KCNIP1: variants seen among roughly 807,000 people sequenced by gnomAD.
KCNIP1 encodes A-type potassium channel modulatory protein KCNIP1.
Under a neutral mutation model 33.0 loss-of-function variants are expected in KCNIP1, and 18 were observed. The observed-to-expected ratio is 0.55, with a 90% CI of 0.38 to 0.81. The LOEUF (loss-of-function observed/expected upper bound fraction) is 0.81. Ranked by LOEUF, KCNIP1 falls within the 30% of genes least tolerant of loss-of-function variation. The probability of loss-of-function intolerance (pLI) is 0.00; values close to 1 mark genes in which losing one functional copy is unlikely to be tolerated. For missense variants in KCNIP1, 238 were observed against 271.6 expected, an observed-to-expected ratio of 0.88 and a Z score of 0.87; for synonymous variants, 93 against 98.3, an observed-to-expected ratio of 0.95 and a Z score of 0.32.
chr5:170,461,737 G>A lies in KCNIP1; in HGVS notation c.88+107773G>A, dbSNP rs1002174154. 1.3e-4 allele frequency among the ~76,000 whole-genome samples: 15 copies of A among 115,556 alleles called. No individual in the cohort carries two copies. In the Admixed American group the frequency reaches 1.4e-3, roughly 11 times the overall value. 75.8% of individuals were successfully genotyped at this position (115,556 alleles called of 152,430 possible). Reference sequence around the variant, plus strand: ...TGCACTCCAGCCCGGGCGACAAAACGAGACTCCATCTCAAAAAAAAAAAAA... The same window carrying A: ...TGCACTCCAGCCCGGGCGACAAAACAAGACTCCATCTCAAAAAAAAAAAAA... On this transcript the variant is annotated intron_variant, in intron 1 of 7. Coordinates refer to the KCNIP1 transcript ENST00000377360.
chr5:170,506,166 C>T (rs1754708431), intron 1 of KCNIP1, among the ~76,000 whole-genome samples: 1 of 152,162 alleles, frequency 6.6e-6, no homozygotes. Context: ...ATGCCTGTGG[C>T]TCTCCTGGGA....
chr5:170,713,033 T>C (rs1055046068), intron 1 of KCNIP1: 28 of 708,890 alleles, frequency 3.9e-5, no homozygotes, highest in Non-Finnish European at 5.5e-5. Flanking sequence ...ATAGAAACAG[T>C]TGGAAATGTT....
At chr5:170,544,481 T>C (rs1380743387) in intron 1 of KCNIP1, among the ~76,000 whole-genome samples, 1 of 152,178 alleles carries the variant, frequency 6.6e-6, no homozygotes, top group Non-Finnish European at 1.5e-5. Flanking sequence ...TCCTGATGCA[T>C]AGGCTACTGT....
At chr5:170,660,525 G>A (rs899336598) in intron 1 of KCNIP1, among the ~76,000 whole-genome samples, 1 of 152,158 alleles carries the variant, frequency 6.6e-6, no homozygotes, top group East Asian at 1.9e-4. Context: ...CTGACTAGCT[G>A]GGTGGCAGCT....
chr5:170,517,176 C>A (rs1235903641), intron 1 of KCNIP1, among the ~76,000 whole-genome samples: 1 of 152,064 alleles, frequency 6.6e-6, no homozygotes, highest in Non-Finnish European at 1.5e-5. Flanking sequence ...ACAACTGTGG[C>A]AGAAGGCTAA....
intron 1 of KCNIP1, among the ~76,000 whole-genome samples, chr5:170,699,555 TGAAAAAAAA>T (rs1763020093): frequency 8.5e-6 from 1 of 118,224 alleles, no homozygotes. Context: ...AATTGCTCTG[TGAAAAAAAA>T]AAAAAAAAAA....
intron 1 of KCNIP1, among the ~76,000 whole-genome samples, 191 bp from the exon 2 acceptor site, chr5:170,718,566 GT>G (rs1325878858): frequency 2.6e-5 from 4 of 152,194 alleles, no homozygotes; most frequent in African/African-American, 9.7e-5. Flanking sequence ...CCCCCTCCCT[GT>G]GTGGTGTTTG....
chr5:170,625,981 C>T (rs1303596082), intron 1 of KCNIP1, among the ~76,000 whole-genome samples: 1 of 152,068 alleles, frequency 6.6e-6, no homozygotes. Flanking sequence ...CTGGGCTTAG[C>T]AAAACTAAAG....
exon 1 of KCNIP1, chr5:170,353,683 G>A (rs948772285): frequency 1.6e-6 from 1 of 607,606 alleles, no homozygotes; most frequent in African/African-American, 1.8e-5. Context: ...GGGAGAGTTT[G>A]CCCTGCAGGC....
chr5:170,578,882 C>T lies in KCNIP1; in HGVS notation c.61+74249C>T, dbSNP rs150279586. 2.4e-3 allele frequency among the ~76,000 whole-genome samples: 358 copies of T among 152,022 alleles called. 5 individuals carry two copies. The highest frequency in any genetic ancestry group is 8.0e-3 in the African/African-American group (331 of 41,464). On this transcript the variant is annotated intron_variant, in intron 1 of 7. Coordinates refer to ENST00000328939, the MANE Select transcript of KCNIP1 (RefSeq NM_014592.4). ...GACAGTCATGAAGAGAGATTGGGAG[C>T]GTAAGATTCCAGGCAGAAGGAATAG...
chr5:170,571,565 G>A (rs1251704634), intron 1 of KCNIP1, among the ~76,000 whole-genome samples: 1 of 152,194 alleles, frequency 6.6e-6, no homozygotes, highest in Non-Finnish European at 1.5e-5. Context: ...TTTCTGCTAT[G>A]ACGGCACCCA....
At chr5:170,587,421 C>CAAAAAAAAAAAAAAAAAAAAAAAAAAAAA (rs56358014) in intron 1 of KCNIP1, among the ~76,000 whole-genome samples, 2 of 70,348 alleles carry the variant, frequency 2.8e-5, no homozygotes, top group Non-Finnish European at 5.5e-5. Context: ...GACTCTGTCT[C>CAAAAAAAAAAAAAAAAAAAAAAAAAAAAA]AAAAAAAAAA....
At chr5:170,571,522 T>G (rs1757408110) in intron 1 of KCNIP1, among the ~76,000 whole-genome samples, 1 of 152,204 alleles carries the variant, frequency 6.6e-6, no homozygotes, top group South Asian at 2.1e-4. Context: ...CCTAGGTATT[T>G]TTCCCCTAAT....
At chr5:170,378,864 G>T (rs764919980) in intron 1 of KCNIP1, 1 of 1,614,268 alleles carries the variant, frequency 6.2e-7, no homozygotes, top group Middle Eastern at 1.6e-4. Context: ...GTTCCCCCGA[G>T]GTGCGGAGAA....
intron 1 of KCNIP1, among the ~76,000 whole-genome samples, chr5:170,409,583 C>G (rs1755126270): frequency 6.6e-6 from 1 of 152,188 alleles, no homozygotes; most frequent in East Asian, 1.9e-4. Flanking sequence ...CCCCTGCCAC[C>G]AGGATCGCCA....
At chr5:170,465,990 C>T (rs1756601602) in intron 1 of KCNIP1, among the ~76,000 whole-genome samples, 1 of 152,076 alleles carries the variant, frequency 6.6e-6, no homozygotes, top group Non-Finnish European at 1.5e-5. Flanking sequence ...GTTTGGAAGA[C>T]AAGTGAGAGG....
At chr5:170,409,646 A>AG (rs769090648) in intron 1 of KCNIP1, among the ~76,000 whole-genome samples, 10 of 152,054 alleles carry the variant, frequency 6.6e-5, no homozygotes, top group Non-Finnish European at 1.0e-4. Context: ...CAAGATGACA[A>AG]GGGGGGCCCA....
In KCNIP1 at chr5:170,637,111, T is replaced by C. The variant is rs557044472; in HGVS notation, c.62-81647T>C. Among the ~76,000 whole-genome samples the C allele has an allele frequency of 5.3e-5, 8 of 152,276 alleles. No individual in the cohort carries two copies. The East Asian group carries it at 1.5e-3, about 29-fold the overall frequency. On this transcript the variant is annotated intron_variant, in intron 1 of 7. Transcript: ENST00000328939. ...AGCCTTCCATCAGAAATGTCATCTT[T>C]ATGACAACAGCATCGATTCCAGGCG...
intron 1 of KCNIP1, among the ~76,000 whole-genome samples, chr5:170,451,089 C>T (rs113203326): frequency 1.9e-3 from 288 of 152,312 alleles, no homozygotes; most frequent in African/African-American, 6.6e-3. Flanking sequence ...AGTTTGTCTC[C>T]TGTTGAACAA....
Sources: allele counts gnomAD v4.1 joint callset (sites outside exome capture counted in the v4.1 genomes callset), GRCh38; gene constraint gnomAD v4.1.1; transcripts MANE v1.5; gene names NCBI Gene and HGNC (gene_info 2026-07-23, HGNC 2026-07-21).